Variants in SYT1 observed in about 807,000 individuals in gnomAD.
SYT1 encodes the protein synaptotagmin 1, also known as synaptotagmin-1.
A neutral mutation model predicts 44.8 loss-of-function variants in SYT1; 8 were observed. The ratio of observed to expected loss-of-function variants is 0.18; its 90% CI spans 0.10 to 0.32. The LOEUF is 0.32. SYT1 is among the 10% of genes least tolerant of loss of function. SYT1 has a pLI of 1.00. For missense variants in SYT1, 286 were observed against 509.3 expected, an observed-to-expected ratio of 0.56 and a Z score of 4.22; for synonymous variants, 154 against 188.8, an observed-to-expected ratio of 0.82 and a Z score of 1.51.
intron 2 of SYT1, among the ~76,000 whole-genome samples, chr12:79,032,889 AAAATCACTTG>A (rs1872910710): frequency 6.6e-6 from 1 of 151,278 alleles, no homozygotes; most frequent in African/African-American, 2.4e-5. Context: ...ACAAAGCAAA[AAAATCACTTG>A]AAATCACTTG....
At chr12:79,028,877 T>C (rs1202342174) in intron 2 of SYT1, among the ~76,000 whole-genome samples, 1 of 151,270 alleles carries the variant, frequency 6.6e-6, no homozygotes. Flanking sequence ...ATAGTTGAAA[T>C]GGGACAAGAC....
At chr12:79,276,457 C>G (rs945236896) in intron 4 of SYT1, among the ~76,000 whole-genome samples, 1 of 151,936 alleles carries the variant, frequency 6.6e-6, no homozygotes, top group African/African-American at 2.4e-5. Flanking sequence ...GCAGGCAGAT[C>G]ATGAGGTCAA....
intron 1 of SYT1, among the ~76,000 whole-genome samples, chr12:78,972,795 G>A (rs559521893): frequency 1.3e-5 from 2 of 151,400 alleles, no homozygotes; most frequent in South Asian, 2.1e-4. Context: ...AAATACATAC[G>A]TTTGGCTTAA....
At chr12:79,396,401 TC>T (rs1427751694) in intron 9 of SYT1, among the ~76,000 whole-genome samples, 2 of 152,134 alleles carry the variant, frequency 1.3e-5, no homozygotes, top group Non-Finnish European at 2.9e-5. Flanking sequence ...TTCTCAACCC[TC>T]CCAGTACATC....
intron 5 of SYT1, among the ~76,000 whole-genome samples, chr12:79,291,272 G>T (rs542577766): frequency 1.3e-5 from 2 of 152,200 alleles, no homozygotes; most frequent in East Asian, 3.9e-4. Context: ...GAATTCTTAT[G>T]CCAATTTGTT....
intron 8 of SYT1, among the ~76,000 whole-genome samples, chr12:79,305,531 T>C (rs540170576): frequency 3.4e-4 from 51 of 151,756 alleles, no homozygotes; most frequent in Middle Eastern, 3.4e-3. Flanking sequence ...GTCTACTATA[T>C]GCTGACAAAA....
intron 3 of SYT1, among the ~76,000 whole-genome samples, chr12:79,204,815 TC>T (rs34770126): frequency 0.063 from 7,375 of 116,710 alleles, 3,193 homozygotes; most frequent in Non-Finnish European, 0.072. Context: ...ACGGAGTCTC[TC>T]TTTGTCGCCC....
chr12:79,160,054 C>G (rs1178116743), intron 3 of SYT1, among the ~76,000 whole-genome samples: 1 of 151,784 alleles, frequency 6.6e-6, no homozygotes, highest in Admixed American at 6.6e-5. Context: ...GAATAAATGG[C>G]GGTTGTGATT....
intron 3 of SYT1, among the ~76,000 whole-genome samples, chr12:79,150,046 A>T (rs1285090262): frequency 6.6e-6 from 1 of 152,212 alleles, no homozygotes; most frequent in African/African-American, 2.4e-5. Flanking sequence ...TAGTAATTGT[A>T]TATGTTGATG....
At chr12:79,083,176 G>A (rs763125232) in intron 3 of SYT1, among the ~76,000 whole-genome samples, 10 of 152,142 alleles carry the variant, frequency 6.6e-5, no homozygotes, top group Middle Eastern at 3.4e-3. Flanking sequence ...TATATCAAAC[G>A]TTAAAGCTCA....
intron 3 of SYT1, among the ~76,000 whole-genome samples, chr12:79,053,689 CTT>C (rs1874712168): frequency 6.7e-6 from 1 of 150,098 alleles, no homozygotes; most frequent in Admixed American, 6.7e-5. Flanking sequence ...ATAAACAACA[CTT>C]ATTTTTAAAC....
intron 8 of SYT1, among the ~76,000 whole-genome samples, chr12:79,322,511 T>C (rs973825316): frequency 2.6e-5 from 4 of 152,206 alleles, no homozygotes; most frequent in African/African-American, 9.7e-5. Flanking sequence ...TTCTCTTTGT[T>C]CTTATGAGTG....
At chr12:79,006,344 G>T (rs1015761477) in intron 2 of SYT1, among the ~76,000 whole-genome samples, 1 of 152,084 alleles carries the variant, frequency 6.6e-6, no homozygotes, top group Non-Finnish European at 1.5e-5. Flanking sequence ...GGCTGAAATT[G>T]CCAAGGCCAA....
intron 4 of SYT1, among the ~76,000 whole-genome samples, chr12:79,262,551 T>G (rs1877890912): frequency 6.6e-6 from 1 of 152,216 alleles, no homozygotes; most frequent in Non-Finnish European, 1.5e-5. Context: ...CATTTCCACA[T>G]TTGTATTCTT....
At chr12:79,333,655 G>A (rs181289783) in intron 8 of SYT1, among the ~76,000 whole-genome samples, 4 of 152,100 alleles carry the variant, frequency 2.6e-5, no homozygotes, top group Admixed American at 6.6e-5. Context: ...TCAGGAAAAC[G>A]CTTTTTAGAA....
intron 8 of SYT1, among the ~76,000 whole-genome samples, chr12:79,346,802 C>T (rs1343608276): frequency 6.6e-6 from 1 of 152,168 alleles, no homozygotes; most frequent in Non-Finnish European, 1.5e-5. Context: ...CATTTCAATA[C>T]AGTCAACTGA....
At chr12:79,448,257 C>T (rs1379003737) in intron 10 of SYT1, among the ~76,000 whole-genome samples, 1 of 152,072 alleles carries the variant, frequency 6.6e-6, no homozygotes, top group African/African-American at 2.4e-5. Context: ...TGTAGTTACT[C>T]AGTAAATGTT....
At chr12:79,270,121 A>T (rs1016291592) in intron 4 of SYT1, among the ~76,000 whole-genome samples, 2 of 152,142 alleles carry the variant, frequency 1.3e-5, no homozygotes, top group Non-Finnish European at 1.5e-5. Flanking sequence ...TTTGAAAATT[A>T]TTCATAAACA....
In SYT1 at chr12:79,320,165, A is replaced by T. The variant is rs147398630; in HGVS notation, c.810+20614A>T. ...ATTTAAAACTTTTTAAAGAATAAAA[A>T]AGCTACCAAAAAATGTATGATTCCC... On this transcript the variant is annotated intron_variant, in intron 8 of 10. Transcript: ENST00000261205. Among the ~76,000 whole-genome samples the T allele has an allele frequency of 1.3e-3, 193 of 152,322 alleles. 2 individuals are homozygous for T. Among genetic ancestry groups the T allele is most frequent in the African/African-American group, 4.4e-3 (181 of 41,566 alleles).
Sources: gnomAD v4.1 joint callset for allele counts (sites outside exome capture counted in the v4.1 genomes callset) on GRCh38, gnomAD v4.1.1 for gene constraint, MANE v1.5 for transcripts, NCBI Gene and HGNC (gene_info 2026-07-23, HGNC 2026-07-21) for gene names.